The following MCC variants were observed in gnomAD, a reference collection of about 807,000 sequenced individuals.
The protein encoded by MCC is MCC regulator of Wnt signaling pathway.
In MCC, 90 loss-of-function variants were observed where a neutral mutation model predicts 116.2. The observed-to-expected ratio is 0.77, with a 90% CI of 0.65 to 0.92. MCC has a LOEUF of 0.92. Ranked by LOEUF, MCC falls within the 40% of genes least tolerant of loss-of-function variation. The pLI is 0.00. For missense variants in MCC, 1,516 were observed against 1,312.2 expected, an observed-to-expected ratio of 1.16 and a Z score of -2.40; for synonymous variants, 578 against 510.5, an observed-to-expected ratio of 1.13 and a Z score of -1.78.
At chr5:113,440,616 GGA>G (rs1328671451) in intron 1 of MCC, among the ~76,000 whole-genome samples, 1 of 151,952 alleles carries the variant, frequency 6.6e-6, no homozygotes, top group Non-Finnish European at 1.5e-5. Flanking sequence ...AGGGAAAGGA[GGA>G]GAGAGAAGAG....
At chr5:113,464,906 A>G (rs996622923) in intron 1 of MCC, among the ~76,000 whole-genome samples, 2 of 152,166 alleles carry the variant, frequency 1.3e-5, no homozygotes, top group African/African-American at 4.8e-5. Context: ...GTATTAGGAA[A>G]ACTTCACTGA....
At position 113,308,862 on chromosome 5, in the gene MCC, G is replaced by A. The variant is rs532129402; in HGVS notation, c.627+31657C>T. 1.9e-4 allele frequency among the ~76,000 whole-genome samples: 28 copies of A among 149,798 alleles called. 1 individual carries two copies. Among genetic ancestry groups the A allele is most frequent in the African/African-American group, 6.3e-4 (26 of 41,176 alleles). The stretch of plus-strand genomic sequence containing the variant: ...CAGAAAAAAAGAGAGAAAGATAAAG[G>A]AAAAGAAGGAAAGGAAGGAAGGAAG... On this transcript the variant is annotated intron_variant, in intron 3 of 18. Transcript: ENST00000408903.
intron 3 of MCC, among the ~76,000 whole-genome samples, chr5:113,169,307 T>C (rs1470792609): frequency 5.3e-5 from 8 of 152,072 alleles, no homozygotes; most frequent in Admixed American, 2.6e-4. Context: ...AGGAAAATAA[T>C]AATAAGCAAA....
chr5:113,441,662 C>A (rs938835969), intron 1 of MCC, among the ~76,000 whole-genome samples: 3 of 152,148 alleles, frequency 2.0e-5, no homozygotes, highest in African/African-American at 7.2e-5. Flanking sequence ...TAACCCCCTA[C>A]CCTGGACAGG....
At position 113,067,942 on chromosome 5, in the gene MCC, T is replaced by G. The variant is rs540712148; in HGVS notation, c.2029+138A>C. 1.9e-4 allele frequency: 130 copies of G among 687,246 alleles called. 2 individuals are homozygous for G. The highest frequency in any genetic ancestry group is 1.5e-3 in the South Asian group (91 of 58,794). The allele number at this position is 687,246 out of a possible 1,614,324, so 42.6% of individuals were successfully genotyped here. A position where few individuals can be genotyped will look rare whatever the true frequency, so the allele number is the denominator to read the frequency against. On this transcript the variant is annotated intron_variant, in intron 13 of 18. Coordinates refer to ENST00000408903, the MANE Select transcript of MCC (RefSeq NM_001085377.2). ...CATAAACAATTTACCCATTCAGTCA[T>G]GAGGAAAAACGAAAAACACACTTGA...
At chr5:113,292,720 T>C (rs747901470) in intron 3 of MCC, among the ~76,000 whole-genome samples, 3 of 152,204 alleles carry the variant, frequency 2.0e-5, no homozygotes, top group Non-Finnish European at 2.9e-5. Flanking sequence ...CTCCTAAGTC[T>C]GCGATTCATT....
chr5:113,022,483 T>C lies in MCC; in HGVS notation c.*4819A>G, dbSNP rs933644440. 2 of 152,540 alleles carry C rather than the reference T, an allele frequency of 1.3e-5. No homozygotes were observed. The highest frequency in any genetic ancestry group is 4.8e-5 in the African/African-American group (2 of 41,412). 9.4% of individuals were successfully genotyped at this position (152,540 alleles called of 1,614,324 possible). ...GGAAACAAATCTCATGCAAAGTAAA[T>C]AAATCTTGATGTCTAAAAACTGATT... On this transcript the variant is annotated 3_prime_UTR_variant, in exon 19 of 19. Transcript: ENST00000408903.
chr5:113,295,679 G>T lies in MCC; in HGVS notation c.627+44840C>A, dbSNP rs547931174. ...GGGATCTGAGCTCCCCTTCAACTTT[G>T]AGTTCCCGAGGTAAAACATCCTGTG... On this transcript the variant is annotated intron_variant, in intron 3 of 18. Transcript: ENST00000408903. Among the ~76,000 whole-genome samples the T allele has an allele frequency of 2.6e-5, 4 of 152,326 alleles. No homozygotes were observed. In the South Asian group the frequency reaches 8.3e-4, roughly 32 times the overall value.
At chr5:113,203,015 T>C (rs1762751749) in intron 3 of MCC, among the ~76,000 whole-genome samples, 1 of 152,122 alleles carries the variant, frequency 6.6e-6, no homozygotes, top group Admixed American at 6.5e-5. Flanking sequence ...TTTCAGAACT[T>C]CTGAGCCACC....
chr5:113,136,365 C>T (rs1441087823), intron 5 of MCC, among the ~76,000 whole-genome samples: 1 of 152,068 alleles, frequency 6.6e-6, no homozygotes, highest in Non-Finnish European at 1.5e-5. Context: ...AAAAATAGAC[C>T]TACTGATGGT....
chr5:113,068,706 A>C (rs988931049), intron 12 of MCC, among the ~76,000 whole-genome samples: 4 of 152,244 alleles, frequency 2.6e-5, no homozygotes, highest in African/African-American at 9.6e-5. Context: ...TCGTGTCTTC[A>C]AGATTCTCAG....
intron 3 of MCC, among the ~76,000 whole-genome samples, chr5:113,171,092 G>C (rs1429128680): frequency 6.6e-6 from 1 of 151,910 alleles, no homozygotes; most frequent in Non-Finnish European, 1.5e-5. Context: ...ACAAAAATTT[G>C]ATCACAACTG....
chr5:113,240,211 G>A (rs1367573855), intron 3 of MCC, among the ~76,000 whole-genome samples: 1 of 152,186 alleles, frequency 6.6e-6, no homozygotes, highest in African/African-American at 2.4e-5. Flanking sequence ...CAGCAGAGTA[G>A]TTGGCCCGGT....
chr5:113,068,000 A>C, intron 13 of MCC, 80 bp downstream of exon 13: 1 of 1,236,164 alleles, frequency 8.1e-7, no homozygotes, highest in Non-Finnish European at 1.2e-6. Context: ...GAGATGATTC[A>C]ATGCCAGTTG....
At chr5:113,029,145 A>G (rs1750781699) in intron 17 of MCC, 89 bp from the exon 18 acceptor site, 2 of 1,383,934 alleles carry the variant, frequency 1.4e-6, no homozygotes, top group Non-Finnish European at 9.7e-7. Context: ...AGAAAGAGGA[A>G]GGTTTAGCTT....
At chr5:113,125,437 T>C (rs1341402621) in intron 5 of MCC, among the ~76,000 whole-genome samples, 2 of 152,134 alleles carry the variant, frequency 1.3e-5, no homozygotes, top group Non-Finnish European at 2.9e-5. Context: ...GGTATAAAAA[T>C]GTTAAACTGA....
chr5:113,341,825 A>G (rs528881912), intron 2 of MCC, among the ~76,000 whole-genome samples: 29 of 102,744 alleles, frequency 2.8e-4, no homozygotes, highest in Admixed American at 9.5e-4. Flanking sequence ...TGATTAGAAA[A>G]GAAAACTTTT....
At chr5:113,044,869 T>C (rs1751967735) in intron 16 of MCC, among the ~76,000 whole-genome samples, 1 of 152,228 alleles carries the variant, frequency 6.6e-6, no homozygotes. Context: ...CCACCGCACC[T>C]GGCCATAAAC....
chr5:113,333,812 T>TATATAC lies in MCC; in HGVS notation c.627+6706_627+6707insGTATAT, dbSNP rs1561527724. ...ATTTATATATATATGTATATATGTA[T>TATATAC]ATATGTACATATATGTATATATGTA... On this transcript the variant is annotated intron_variant, in intron 3 of 18. Transcript: ENST00000408903. Among the ~76,000 whole-genome samples the TATATAC allele has an allele frequency of 7.5e-5, 4 of 53,630 alleles. 1 individual carries two copies. Among genetic ancestry groups the TATATAC allele is most frequent in the Admixed American group, 3.2e-4 (2 of 6,170 alleles). The allele number at this position is 53,630 out of a possible 152,430, so 35.2% of individuals were successfully genotyped here. A position where few individuals can be genotyped will look rare whatever the true frequency, so the allele number is the denominator to read the frequency against.
Sources: gnomAD v4.1 joint callset for allele counts (sites outside exome capture counted in the v4.1 genomes callset) on GRCh38, gnomAD v4.1.1 for gene constraint, MANE v1.5 for transcripts, NCBI Gene and HGNC (gene_info 2026-07-23, HGNC 2026-07-21) for gene names.